The following GRM8 variants were observed in gnomAD, a reference collection of about 807,000 sequenced individuals.
The protein encoded by GRM8 is metabotropic glutamate receptor 8.
Under a neutral mutation model 87.2 loss-of-function variants are expected in GRM8, and 47 were observed. That is an observed-to-expected ratio of 0.54 (90% CI 0.43 to 0.69). GRM8 has a LOEUF of 0.69. Among genes scored for constraint, GRM8 ranks in the 30% least tolerant of loss-of-function variants. The pLI, the probability that GRM8 is intolerant of heterozygous loss-of-function variation, is 0.00. For missense variants in GRM8, 1,019 were observed against 1,139.2 expected (o/e 0.89, Z 1.52); for synonymous variants, 396 against 404.5 (o/e 0.98, Z 0.25).
In GRM8 at chr7:126,591,835, C is replaced by T. The variant is rs1256672526; in HGVS notation, c.1494+17527G>A. ...AACTCACTAGAAAAGATCAACAAAA[C>T]TAAGAGTTGGTTTCTGGAAAAGATT... On this transcript the variant is annotated intron_variant, in intron 8 of 10. Coordinates refer to ENST00000339582, the MANE Select transcript of GRM8 (RefSeq NM_000845.3). Among the ~76,000 whole-genome samples, 4 of 150,422 alleles carry T rather than the reference C, an allele frequency of 2.7e-5. No individual in the cohort carries two copies. In the East Asian group the frequency reaches 7.8e-4, roughly 29 times the overall value.
At chr7:126,539,607 A>T (rs1419712537) in intron 8 of GRM8, among the ~76,000 whole-genome samples, 2 of 152,260 alleles carry the variant, frequency 1.3e-5, no homozygotes, top group South Asian at 4.1e-4. Flanking sequence ...TTAGTGGCAT[A>T]GACTAGAGAG....
intron 2 of GRM8, among the ~76,000 whole-genome samples, chr7:127,235,315 GTC>G (rs1797922196): frequency 6.6e-6 from 1 of 152,202 alleles, no homozygotes. Context: ...TCCCTGAACT[GTC>G]TGAGCATATG....
intron 2 of GRM8, among the ~76,000 whole-genome samples, chr7:127,161,369 G>A (rs1234739110): frequency 6.6e-6 from 1 of 152,124 alleles, no homozygotes; most frequent in Non-Finnish European, 1.5e-5. Flanking sequence ...TGGAACAGCT[G>A]GAGAGATAGA....
chr7:126,861,407 G>A (rs1185810306), intron 6 of GRM8, among the ~76,000 whole-genome samples: 2 of 151,824 alleles, frequency 1.3e-5, no homozygotes, highest in East Asian at 3.9e-4. Flanking sequence ...GCACATACAT[G>A]AGAATTTCCC....
chr7:127,022,815 G>T (rs1174127143), intron 3 of GRM8, among the ~76,000 whole-genome samples: 1 of 151,988 alleles, frequency 6.6e-6, no homozygotes, highest in East Asian at 1.9e-4. Context: ...TAACTAGAAG[G>T]CAGTGTAGCA....
At chr7:126,509,582 GA>G (rs1469542108) in intron 9 of GRM8, among the ~76,000 whole-genome samples, 2 of 152,032 alleles carry the variant, frequency 1.3e-5, no homozygotes, top group Non-Finnish European at 2.9e-5. Context: ...CCAGGCACTT[GA>G]AGGTATCTGA....
chr7:126,831,712 TGG>T, intron 6 of GRM8, among the ~76,000 whole-genome samples: 1 of 152,060 alleles, frequency 6.6e-6, no homozygotes, highest in Non-Finnish European at 1.5e-5. Context: ...ACCCACTGTC[TGG>T]CACTCCCTAG....
At chr7:126,935,073 C>G (rs1384336649) in intron 3 of GRM8, among the ~76,000 whole-genome samples, 1 of 152,142 alleles carries the variant, frequency 6.6e-6, no homozygotes, top group Non-Finnish European at 1.5e-5. Context: ...AGGGTAACAT[C>G]ATCTATGGAC....
At chr7:126,989,601 T>A (rs903170926) in intron 3 of GRM8, among the ~76,000 whole-genome samples, 1 of 152,114 alleles carries the variant, frequency 6.6e-6, no homozygotes, top group Non-Finnish European at 1.5e-5. Flanking sequence ...CACTACTGTA[T>A]CCACTTCAAG....
intron 8 of GRM8, among the ~76,000 whole-genome samples, chr7:126,604,792 T>C (rs749016120): frequency 2.6e-5 from 4 of 152,166 alleles, no homozygotes; most frequent in Non-Finnish European, 5.9e-5. Flanking sequence ...CAAAGCTCAG[T>C]ATCCTGTCAG....
At chr7:127,235,205 G>A (rs1367917018) in intron 2 of GRM8, among the ~76,000 whole-genome samples, 2 of 152,246 alleles carry the variant, frequency 1.3e-5, no homozygotes, top group South Asian at 2.1e-4. Flanking sequence ...AGATGTCTTC[G>A]GTATTCACTT....
intron 8 of GRM8, among the ~76,000 whole-genome samples, chr7:126,561,733 G>T (rs1199157722): frequency 1.3e-5 from 2 of 150,994 alleles, no homozygotes; most frequent in African/African-American, 4.9e-5. Context: ...CCATTAACTG[G>T]TCATTTAGCA....
intron 7 of GRM8, among the ~76,000 whole-genome samples, chr7:126,650,638 A>C (rs780265629): frequency 3.9e-4 from 59 of 152,108 alleles, no homozygotes; most frequent in Admixed American, 2.4e-3. Context: ...TTGGCAACAA[A>C]GAAATTTGGG....
chr7:126,863,294 T>C (rs1309042202), intron 6 of GRM8, among the ~76,000 whole-genome samples: 2 of 152,184 alleles, frequency 1.3e-5, no homozygotes, highest in Non-Finnish European at 2.9e-5. Context: ...CCACATTTTA[T>C]TAAACTTATT....
chr7:126,877,283 A>G (rs749101111), intron 6 of GRM8, among the ~76,000 whole-genome samples: 4 of 152,198 alleles, frequency 2.6e-5, no homozygotes, highest in Admixed American at 1.3e-4. Flanking sequence ...CCTAGCAGTA[A>G]AGTTCTTCAA....
intron 7 of GRM8, among the ~76,000 whole-genome samples, chr7:126,756,130 G>C (rs2151558759): frequency 6.6e-6 from 1 of 151,794 alleles, no homozygotes; most frequent in Non-Finnish European, 1.5e-5. Context: ...ATGGGCAAAA[G>C]TTTCATCCTC....
chr7:126,823,001 T>C (rs1794444449), intron 6 of GRM8, among the ~76,000 whole-genome samples: 1 of 152,222 alleles, frequency 6.6e-6, no homozygotes, highest in Non-Finnish European at 1.5e-5. Context: ...AACTCTACTA[T>C]GATTCTAAAG....
At chr7:126,937,906 C>G (rs1806504188) in intron 3 of GRM8, among the ~76,000 whole-genome samples, 1 of 152,070 alleles carries the variant, frequency 6.6e-6, no homozygotes, top group Non-Finnish European at 1.5e-5. Flanking sequence ...GTGGGCATAT[C>G]CTCTACGTGG....
chr7:126,443,411 C>T (rs950919068), intron 10 of GRM8, among the ~76,000 whole-genome samples: 6 of 151,378 alleles, frequency 4.0e-5, no homozygotes, highest in African/African-American at 1.5e-4. Context: ...ATCTTGAACA[C>T]AGATCTACCC....
Sources: allele counts gnomAD v4.1 joint callset (sites outside exome capture counted in the v4.1 genomes callset), GRCh38; gene constraint gnomAD v4.1.1; transcripts MANE v1.5; gene names NCBI Gene and HGNC (gene_info 2026-07-23, HGNC 2026-07-21).